The following TMEM272 variants were observed in gnomAD, a reference collection of about 807,000 sequenced individuals.
The protein encoded by TMEM272 is transmembrane protein 272.
In TMEM272, 8 loss-of-function variants were observed where a neutral mutation model predicts 3.7. The ratio of observed to expected loss-of-function variants is 2.17; its 90% CI spans 1.27 to 3.91. TMEM272 has a LOEUF of 3.91. TMEM272 is among the 30% of genes most tolerant of loss of function. TMEM272 has a pLI of 0.00. For missense variants in TMEM272, 166 were observed against 91.5 expected, an observed-to-expected ratio of 1.81 and a Z score of -3.32; for synonymous variants, 63 against 39.8, an observed-to-expected ratio of 1.58 and a Z score of -2.20.
chr13:51,876,120 C>T, the TMEM272 span, among the ~76,000 whole-genome samples: 3 of 152,038 alleles, frequency 2.0e-5, no homozygotes, highest in Non-Finnish European at 4.4e-5. Context: ...TGGGGGTGTT[C>T]CCCCCAAAAA....
intron 2 of TMEM272, among the ~76,000 whole-genome samples, chr13:51,827,792 T>C (rs1000524895): frequency 6.6e-6 from 1 of 152,204 alleles, no homozygotes; most frequent in Non-Finnish European, 1.5e-5. Context: ...GATCCCACCC[T>C]GGCCATAGAA....
At chr13:51,903,585 A>G in the TMEM272 span, among the ~76,000 whole-genome samples, 2 of 152,086 alleles carry the variant, frequency 1.3e-5, no homozygotes, top group African/African-American at 2.4e-5. Context: ...CCTTTTTCCT[A>G]TCCCTAGGTG....
chr13:51,854,093 A>AT, the TMEM272 span, among the ~76,000 whole-genome samples: 1 of 152,218 alleles, frequency 6.6e-6, no homozygotes, highest in African/African-American at 2.4e-5. Context: ...AACAGAAAAT[A>AT]TTGATTTTGT....
At chr13:51,849,613 GGGTCTCTTCAGCCCCAATTTCAGC>G (rs376327607), upstream of TMEM272, among the ~76,000 whole-genome samples, 512 of 152,354 alleles carry the variant, frequency 3.4e-3, 2 homozygotes, top group African/African-American at 0.012. Context: ...GAAAATCCCG[GGGTCTCTTCAGCCCCAATTTCAGC>G]GGTCGCAGAG....
chr13:51,861,230 C>G, the TMEM272 span, among the ~76,000 whole-genome samples: 1 of 151,906 alleles, frequency 6.6e-6, no homozygotes, highest in African/African-American at 2.4e-5. Flanking sequence ...AGAGGGAAAT[C>G]AAAGGGTACA....
the TMEM272 span, among the ~76,000 whole-genome samples, chr13:51,887,214 A>G: frequency 6.6e-6 from 1 of 152,152 alleles, no homozygotes; most frequent in African/African-American, 2.4e-5. Flanking sequence ...GATAGTTGTC[A>G]TTTGAATGCC....
chr13:51,929,925 G>A, the TMEM272 span, among the ~76,000 whole-genome samples: 1 of 152,272 alleles, frequency 6.6e-6, no homozygotes, highest in Non-Finnish European at 1.5e-5. Flanking sequence ...ACCAGGACCT[G>A]GATCTGCTCT....
rs986161855 is a variant in TMEM272 at position 51,813,436 on chromosome 13, T to C, written c.*3315A>G. The C allele has an allele frequency of 1.5e-5, 6 of 394,818 alleles. No individual in the cohort carries two copies. Among genetic ancestry groups the C allele is most frequent in the African/African-American group, 8.2e-5 (4 of 48,550 alleles). 24.5% of individuals were successfully genotyped at this position (394,818 alleles called of 1,614,324 possible). A position where few individuals can be genotyped will look rare whatever the true frequency, so the allele number is the denominator to read the frequency against. Reference sequence around the variant, plus strand: ...TTCAGTTACACAAAGATGAAAGCTATTGACCACTTGGCCACTTCTCATACT... The same window carrying C: ...TTCAGTTACACAAAGATGAAAGCTACTGACCACTTGGCCACTTCTCATACT... On this transcript the variant is annotated 3_prime_UTR_variant, in exon 5 of 5. Coordinates refer to ENST00000629372, the MANE Select transcript of TMEM272 (RefSeq NM_001351003.2).
chr13:51,896,677 T>C, the TMEM272 span, among the ~76,000 whole-genome samples: 1 of 152,120 alleles, frequency 6.6e-6, no homozygotes, highest in Non-Finnish European at 1.5e-5. Flanking sequence ...GCAGCGGTCT[T>C]CTTACAGTGT....
chr13:51,851,111 G>T, the TMEM272 span, among the ~76,000 whole-genome samples: 2 of 152,166 alleles, frequency 1.3e-5, no homozygotes, highest in Non-Finnish European at 2.9e-5. Flanking sequence ...AAGGCAGGCA[G>T]ATCCCTTGGG....
the TMEM272 span, among the ~76,000 whole-genome samples, chr13:51,850,807 C>T: frequency 1.3e-5 from 2 of 152,034 alleles, no homozygotes; most frequent in Admixed American, 6.6e-5. Context: ...ACATTATTAA[C>T]GTATTTATAT....
the TMEM272 span, chr13:51,865,960 A>C: frequency 6.2e-7 from 1 of 1,614,070 alleles, no homozygotes; most frequent in Non-Finnish European, 8.5e-7. Context: ...TCTGGGAGGA[A>C]GAGAGGGCCT....
At chr13:51,873,471 A>T in the TMEM272 span, among the ~76,000 whole-genome samples, 3 of 152,238 alleles carry the variant, frequency 2.0e-5, no homozygotes, top group Non-Finnish European at 2.9e-5. Context: ...TTTTTAAAGT[A>T]GTAAGATAAG....
intron 1 of TMEM272, among the ~76,000 whole-genome samples, chr13:51,842,036 AAC>A (rs140382483): frequency 6.6e-6 from 1 of 151,728 alleles, no homozygotes. Context: ...TAAAATGTTA[AAC>A]ACACACACAC....
At chr13:51,876,527 T>C in the TMEM272 span, among the ~76,000 whole-genome samples, 2 of 152,212 alleles carry the variant, frequency 1.3e-5, no homozygotes, top group Non-Finnish European at 2.9e-5. Flanking sequence ...TTCACATCAT[T>C]TGCATTTAGG....
chr13:51,910,209 T>G, the TMEM272 span: 1 of 1,200,858 alleles, frequency 8.3e-7, no homozygotes, highest in Non-Finnish European at 1.2e-6. Flanking sequence ...CAGTTCAGAA[T>G]TGGACCTGTT....
chr13:51,895,767 C>A, the TMEM272 span, among the ~76,000 whole-genome samples: 2 of 152,104 alleles, frequency 1.3e-5, no homozygotes, highest in South Asian at 2.1e-4. Context: ...TTACAGCTAC[C>A]AGTAGGGAGT....
the TMEM272 span, chr13:51,908,986 G>C: frequency 2.8e-6 from 4 of 1,432,364 alleles, no homozygotes; most frequent in African/African-American, 5.6e-5. Flanking sequence ...GGAAGCAAAG[G>C]TGAGAGTCTC....
intron 1 of TMEM272, among the ~76,000 whole-genome samples, chr13:51,841,215 CAG>C (rs138344499): frequency 0.011 from 1,721 of 152,306 alleles, 30 homozygotes; most frequent in African/African-American, 0.037. Context: ...TTAGGGAAAA[CAG>C]AGGGTGCACT....
Sources: allele counts gnomAD v4.1 joint callset (sites outside exome capture counted in the v4.1 genomes callset), GRCh38; gene constraint gnomAD v4.1.1; transcripts MANE v1.5; gene names NCBI Gene and HGNC (gene_info 2026-07-23, HGNC 2026-07-21).